Variants in MRPL3 observed in about 807,000 individuals in gnomAD.
MRPL3 encodes the protein mitochondrial ribosomal protein L3.
MRPL3 carries 43 observed loss-of-function variants against 44.3 expected under a neutral mutation model. The observed-to-expected ratio is 0.97, with a 90% CI of 0.76 to 1.25. The LOEUF is 1.25. Ranked by LOEUF, MRPL3 falls within the 50% of genes most tolerant of loss-of-function variation. The pLI, the probability that MRPL3 is intolerant of heterozygous loss-of-function variation, is 0.00. For missense variants in MRPL3, 406 were observed against 427.6 expected (o/e 0.95, Z 0.45); for synonymous variants, 171 against 152.3 (o/e 1.12, Z -0.91).
intron 4 of MRPL3, among the ~76,000 whole-genome samples, 153 bp from the exon 5 acceptor site, chr3:131,490,233 T>C (rs979376145): frequency 6.6e-6 from 1 of 152,140 alleles, no homozygotes; most frequent in African/African-American, 2.4e-5. Context: ...TCCCCTTATT[T>C]AAGGGAGGTG....
intron 1 of MRPL3, 24 bp downstream of exon 1, chr3:131,502,706 T>G (rs761152013): frequency 6.3e-7 from 1 of 1,590,478 alleles, no homozygotes; most frequent in African/African-American, 1.3e-5. Context: ...ACTGTGCAGG[T>G]AGGACACCCT....
chr3:131,502,633 C>T lies in MRPL3; in HGVS notation c.92+97G>A. On this transcript the variant is annotated intron_variant, in intron 1 of 9. Transcript: ENST00000264995. ...TCTGTGTCCCACGTCTCAACAGAGC[C>T]CCTTCCTCCTCCACCCAGGGGAGGC... The T allele has an allele frequency of 4.2e-6, 4 of 960,904 alleles. No individual in the cohort carries two copies. In the South Asian group the frequency reaches 6.5e-5, roughly 16 times the overall value. The allele number at this position is 960,904 out of a possible 1,614,324, so 59.5% of individuals were successfully genotyped here.
At chr3:131,502,096 C>G (rs1372848418) in intron 1 of MRPL3, among the ~76,000 whole-genome samples, 1 of 152,198 alleles carries the variant, frequency 6.6e-6, no homozygotes, top group Admixed American at 6.5e-5. Context: ...AGCTCACCTC[C>G]TCCCTGCAAT....
intron 3 of MRPL3, among the ~76,000 whole-genome samples, chr3:131,498,807 A>T (rs1934430076): frequency 6.6e-6 from 1 of 152,136 alleles, no homozygotes. Context: ...CTCAAGAAGT[A>T]GAATCCCAAA....
intron 6 of MRPL3, among the ~76,000 whole-genome samples, chr3:131,482,043 C>T (rs1334221459): frequency 6.6e-6 from 1 of 152,158 alleles, no homozygotes; most frequent in East Asian, 1.9e-4. Context: ...AGGTATACAG[C>T]CCACAAAGTC....
intron 8 of MRPL3, 113 bp from the exon 9 acceptor site, chr3:131,468,281 T>C (rs977856583): frequency 3.6e-6 from 2 of 553,464 alleles, no homozygotes; most frequent in Non-Finnish European, 6.4e-6. Context: ...TTACCAGTAC[T>C]TCAGAATGTT....
intron 1 of MRPL3, among the ~76,000 whole-genome samples, chr3:131,502,253 G>A (rs759970690): frequency 2.0e-5 from 3 of 152,190 alleles, no homozygotes; most frequent in Non-Finnish European, 4.4e-5. Context: ...CTTGCATGGA[G>A]GGTCAGAACA....
chr3:131,483,545 C>T (rs529879279), intron 6 of MRPL3, among the ~76,000 whole-genome samples: 1 of 152,238 alleles, frequency 6.6e-6, no homozygotes, highest in South Asian at 2.1e-4. Flanking sequence ...CACACCCTAA[C>T]GTGACACTGG....
rs1582697379 is a variant in MRPL3, at chr3:131,462,458, T to C, written c.*265A>G. On this transcript the variant is annotated 3_prime_UTR_variant, in exon 10 of 10. Coordinates refer to ENST00000264995, the MANE Select transcript of MRPL3 (RefSeq NM_007208.4). ...TTGGGAAATATGTAGTAAAAAAGAA[T>C]CGAGTCCACAAATTAAGAATATTTT... The C allele has an allele frequency of 1.0e-5, 3 of 286,476 alleles. No individual in the cohort carries two copies. The highest frequency in any genetic ancestry group is 1.9e-5 in the Non-Finnish European group (3 of 156,034). The allele number at this position is 286,476 out of a possible 1,614,324, so 17.7% of individuals were successfully genotyped here.
chr3:131,468,567 T>C (rs1166922218), intron 8 of MRPL3, among the ~76,000 whole-genome samples: 2 of 152,106 alleles, frequency 1.3e-5, no homozygotes, highest in Non-Finnish European at 2.9e-5. Context: ...GTAAGTGGGC[T>C]GAGTAGATGG....
rs1209656113 is a variant in MRPL3, at chr3:131,490,086, G to A, written c.469-6C>T. The stretch of plus-strand genomic sequence containing the variant: ...TCCAATATGGATGTAGCTTTCTAGA[G>A]GAAAAGCAGCACATATAAGTAATAC... On this transcript the variant is annotated splice_region_variant and splice_polypyrimidine_tract_variant and intron_variant, in intron 4 of 9. Transcript: ENST00000264995. The A allele has an allele frequency of 1.9e-6, 3 of 1,581,164 alleles. No individual in the cohort carries two copies. The African/African-American group carries it at 4.0e-5, about 21-fold the overall frequency.
At chr3:131,477,767 A>G (rs1933888094) in intron 6 of MRPL3, among the ~76,000 whole-genome samples, 1 of 152,212 alleles carries the variant, frequency 6.6e-6, no homozygotes, top group South Asian at 2.1e-4. Context: ...CCATTATCAC[A>G]ACCTAAAAAA....
At chr3:131,492,200 G>C (rs1934272340) in intron 4 of MRPL3, among the ~76,000 whole-genome samples, 1 of 151,956 alleles carries the variant, frequency 6.6e-6, no homozygotes, top group Non-Finnish European at 1.5e-5. Flanking sequence ...TATCCCCTCA[G>C]CCTACTTTTA....
intron 6 of MRPL3, among the ~76,000 whole-genome samples, chr3:131,471,870 T>C (rs1933751533): frequency 6.6e-6 from 1 of 152,180 alleles, no homozygotes; most frequent in South Asian, 2.1e-4. Flanking sequence ...CTTCCACAGC[T>C]AGTGTAAACT....
Position 131,500,525 on chromosome 3 carries a change from G to A in MRPL3, c.278-4C>T, listed in dbSNP as rs779441494. On this transcript the variant is annotated splice_polypyrimidine_tract_variant and splice_region_variant and intron_variant, in intron 2 of 9. Transcript: ENST00000264995. ...ATAAGACCAACTCTAAAGGAACCTG[G>A]CAATTAAAACCAAAGCAATGTGAAC... 1.9e-6 allele frequency: 3 copies of A among 1,612,018 alleles called. No individual in the cohort carries two copies. The Admixed American group carries it at 5.0e-5, about 27-fold the overall frequency.
chr3:131,474,661 A>C (rs1033480862), intron 6 of MRPL3, among the ~76,000 whole-genome samples: 2 of 152,156 alleles, frequency 1.3e-5, no homozygotes, highest in African/African-American at 4.8e-5. Flanking sequence ...CATAAATACA[A>C]CTGCAATGTG....
chr3:131,486,445 T>A (rs58248113), intron 6 of MRPL3, among the ~76,000 whole-genome samples: 37,082 of 84,800 alleles, frequency 0.44, 5,536 homozygotes, highest in African/African-American at 0.59. Flanking sequence ...GGGAGAAAAA[T>A]TTTTTTTTTT....
Position 131,468,101 on chromosome 3 carries a change from C to G in MRPL3, c.884G>C (p.Cys295Ser), listed in dbSNP as rs758835610. The G allele has an allele frequency of 7.1e-6, 11 of 1,556,278 alleles. No homozygotes were observed. Among genetic ancestry groups the G allele is most frequent in the Admixed American group, 2.0e-5 (1 of 50,232 alleles). The change falls in exon 9 of 10, where the codon TGC (cysteine) becomes TCC (serine). Residue 295 changes from cysteine (C) to serine (S), a missense_variant. Transcript: ENST00000264995. ...VNGSVPGHKN[C>S]LVKVKDSKLP... ...GACACTTATACTTACCTTTACTAAG[C>G]AATTTTTATGTCCAGGTACAGAGCC...
intron 6 of MRPL3, among the ~76,000 whole-genome samples, chr3:131,480,497 A>T (rs1386635668): frequency 6.6e-6 from 1 of 152,160 alleles, no homozygotes; most frequent in Admixed American, 6.5e-5. Context: ...CCCATCAATA[A>T]CTGGGAACAT....
Sources: gnomAD v4.1 joint callset for allele counts (sites outside exome capture counted in the v4.1 genomes callset) on GRCh38, gnomAD v4.1.1 for gene constraint, MANE v1.5 for transcripts, NCBI Gene and HGNC (gene_info 2026-07-23, HGNC 2026-07-21) for gene names.